The following PCDH9 variants were observed in gnomAD, a reference collection of about 807,000 sequenced individuals.
The protein encoded by PCDH9 is protocadherin 9.
In PCDH9, 24 loss-of-function variants were observed where a neutral mutation model predicts 70.6. The observed-to-expected ratio is 0.34, with a 90% CI of 0.25 to 0.48. The LOEUF (loss-of-function observed/expected upper bound fraction) is 0.48, where lower values mean the gene tolerates loss of function less well. Among genes scored for constraint, PCDH9 ranks in the 20% least tolerant of loss-of-function variants. The probability of loss-of-function intolerance (pLI) is 0.99; values close to 1 mark genes in which losing one functional copy is unlikely to be tolerated. For missense variants in PCDH9, 1,281 were observed against 1,503.6 expected, an observed-to-expected ratio of 0.85 and a Z score of 2.45; for synonymous variants, 562 against 558.5, an observed-to-expected ratio of 1.01 and a Z score of -0.09.
chr13:66,906,982 G>C (rs1360541908), intron 2 of PCDH9, among the ~76,000 whole-genome samples: 1 of 152,100 alleles, frequency 6.6e-6, no homozygotes, highest in Non-Finnish European at 1.5e-5. Context: ...GAGGTGGGCG[G>C]ATCACCTGTG....
intron 4 of PCDH9, among the ~76,000 whole-genome samples, chr13:66,320,422 C>G (rs1031514796): frequency 2.0e-5 from 3 of 151,988 alleles, no homozygotes; most frequent in Admixed American, 2.0e-4. Context: ...TAAAAGTGAA[C>G]TGCACAGTGA....
chr13:66,778,347 T>C (rs775501719), intron 3 of PCDH9, among the ~76,000 whole-genome samples: 63 of 152,174 alleles, frequency 4.1e-4, no homozygotes, highest in Non-Finnish European at 6.9e-4. Flanking sequence ...CTCTTCCCAA[T>C]ATCATCTACA....
intron 4 of PCDH9, among the ~76,000 whole-genome samples, chr13:66,606,086 A>T (rs916480799): frequency 1.3e-5 from 2 of 151,984 alleles, no homozygotes; most frequent in African/African-American, 4.8e-5. Flanking sequence ...GGTCCTTAGG[A>T]TTAAAGTTTG....
chr13:67,075,534 T>C (rs1050139207), intron 2 of PCDH9, among the ~76,000 whole-genome samples: 4 of 152,122 alleles, frequency 2.6e-5, no homozygotes, highest in African/African-American at 9.6e-5. Flanking sequence ...TGAGGAATCA[T>C]GATGGGTTTT....
At chr13:66,343,311 C>T (rs570569126) in intron 4 of PCDH9, among the ~76,000 whole-genome samples, 4 of 152,252 alleles carry the variant, frequency 2.6e-5, no homozygotes, top group Non-Finnish European at 4.4e-5. Flanking sequence ...CTGTTGAGTC[C>T]TCTGCTGAGA....
intron 2 of PCDH9, among the ~76,000 whole-genome samples, chr13:66,938,196 A>G (rs1225620888): frequency 1.3e-5 from 2 of 152,186 alleles, no homozygotes; most frequent in Non-Finnish European, 2.9e-5. Flanking sequence ...TTCAACCACA[A>G]TGACATAATT....
intron 3 of PCDH9, among the ~76,000 whole-genome samples, chr13:66,892,755 G>T (rs907596555): frequency 6.6e-6 from 1 of 152,032 alleles, no homozygotes; most frequent in Non-Finnish European, 1.5e-5. Flanking sequence ...AAAATAATAT[G>T]CTGGGCATAT....
intron 2 of PCDH9, among the ~76,000 whole-genome samples, chr13:67,122,194 A>G (rs1405158515): frequency 1.3e-5 from 2 of 152,180 alleles, no homozygotes; most frequent in Non-Finnish European, 2.9e-5. Flanking sequence ...AAAGGAAACA[A>G]TATCTTTTGA....
intron 4 of PCDH9, among the ~76,000 whole-genome samples, chr13:66,525,284 T>C (rs1480700593): frequency 2.6e-5 from 4 of 152,082 alleles, no homozygotes; most frequent in Non-Finnish European, 5.9e-5. Context: ...TCCCCCAGTT[T>C]ACCACCTCTT....
chr13:67,026,051 C>T (rs2084774150), intron 2 of PCDH9, among the ~76,000 whole-genome samples: 1 of 152,102 alleles, frequency 6.6e-6, no homozygotes. Flanking sequence ...ACTAAAACTA[C>T]ATCTAATGAA....
intron 3 of PCDH9, among the ~76,000 whole-genome samples, chr13:66,866,723 G>A (rs1270506428): frequency 6.6e-6 from 1 of 152,002 alleles, no homozygotes; most frequent in Non-Finnish European, 1.5e-5. Context: ...CTTGAACCCA[G>A]GATACGGAGG....
intron 4 of PCDH9, among the ~76,000 whole-genome samples, chr13:66,457,655 A>C (rs947389821): frequency 1.3e-5 from 2 of 152,022 alleles, no homozygotes; most frequent in African/African-American, 4.8e-5. Context: ...AGAGCTAGGA[A>C]TTAGTATTTT....
intron 2 of PCDH9, among the ~76,000 whole-genome samples, chr13:66,941,548 A>T (rs1176782509): frequency 6.6e-6 from 1 of 151,878 alleles, no homozygotes; most frequent in African/African-American, 2.4e-5. Context: ...GCTAAAAACA[A>T]AAAGATAGAA....
At chr13:66,787,774 T>C (rs1283725048) in intron 3 of PCDH9, among the ~76,000 whole-genome samples, 1 of 152,110 alleles carries the variant, frequency 6.6e-6, no homozygotes. Context: ...CTTCATCCAA[T>C]CAGTTGGCGA....
At chr13:66,820,265 A>C (rs1304975411) in intron 3 of PCDH9, among the ~76,000 whole-genome samples, 1 of 152,226 alleles carries the variant, frequency 6.6e-6, no homozygotes, top group Non-Finnish European at 1.5e-5. Context: ...ACTGCAAGAT[A>C]AAAGCAGGTT....
intron 4 of PCDH9, among the ~76,000 whole-genome samples, chr13:66,455,635 C>A (rs544901577): frequency 6.6e-6 from 1 of 152,072 alleles, no homozygotes; most frequent in East Asian, 1.9e-4. Flanking sequence ...CTCAGTGGGT[C>A]TATTCATTTT....
chr13:67,005,739 A>T (rs1007595355), intron 2 of PCDH9, among the ~76,000 whole-genome samples: 2 of 152,212 alleles, frequency 1.3e-5, no homozygotes, highest in Admixed American at 6.5e-5. Context: ...GCTAGGTAAC[A>T]GATGATGATT....
At chr13:66,730,876 G>GTGTGTTTTTT (rs1555262846) in intron 3 of PCDH9, among the ~76,000 whole-genome samples, 6 of 46,358 alleles carry the variant, frequency 1.3e-4, no homozygotes, top group African/African-American at 4.5e-4. Context: ...GTGTGTGTGT[G>GTGTGTTTTTT]TTTTTTTTTT....
chr13:67,155,782 A>G (rs1231649255), intron 2 of PCDH9, among the ~76,000 whole-genome samples: 1 of 151,960 alleles, frequency 6.6e-6, no homozygotes, highest in Non-Finnish European at 1.5e-5. Flanking sequence ...AATAATAATA[A>G]TAATTATTAT....
Sources: gnomAD v4.1 joint callset for allele counts (sites outside exome capture counted in the v4.1 genomes callset) on GRCh38, gnomAD v4.1.1 for gene constraint, MANE v1.5 for transcripts, NCBI Gene and HGNC (gene_info 2026-07-23, HGNC 2026-07-21) for gene names.